Variants in KLF12 observed in about 807,000 individuals in gnomAD.
KLF12 encodes Krueppel-like factor 12.
In KLF12, 9 loss-of-function variants were observed where a neutral mutation model predicts 37.8. The observed-to-expected ratio is 0.24, with a 90% CI of 0.14 to 0.42. The LOEUF is 0.42. Among genes scored for constraint, KLF12 ranks in the 10% least tolerant of loss-of-function variants. The probability of loss-of-function intolerance (pLI) is 1.00; values close to 1 mark genes in which losing one functional copy is unlikely to be tolerated. For synonymous variants in KLF12, 208 were observed against 202.1 expected (o/e 1.03, Z -0.25); for missense variants, 411 against 516.0 (o/e 0.80, Z 1.97).
the KLF12 span, among the ~76,000 whole-genome samples, chr13:74,241,737 C>T: frequency 6.6e-6 from 1 of 152,190 alleles, no homozygotes; most frequent in South Asian, 2.1e-4. Context: ...TCACCCCTTT[C>T]TTTGACTCAG....
chr13:74,266,159 G>A, the KLF12 span, among the ~76,000 whole-genome samples: 37 of 152,252 alleles, frequency 2.4e-4, 1 homozygote, highest in Non-Finnish European at 3.2e-4. Flanking sequence ...TTGATCCAGC[G>A]GATCCAATGA....
chr13:74,234,668 C>A, the KLF12 span, among the ~76,000 whole-genome samples: 1 of 151,966 alleles, frequency 6.6e-6, no homozygotes, highest in Non-Finnish European at 1.5e-5. Context: ...ATTCGTTTGG[C>A]TATACATACA....
At chr13:73,966,396 TA>T (rs1449919372) in intron 2 of KLF12, among the ~76,000 whole-genome samples, 1 of 151,862 alleles carries the variant, frequency 6.6e-6, no homozygotes, top group East Asian at 1.9e-4. Flanking sequence ...GAAAAAAAAG[TA>T]AAAGTTTAGA....
At chr13:74,181,714 A>C in the KLF12 span, among the ~76,000 whole-genome samples, 2,144 of 95,672 alleles carry the variant, frequency 0.022, 48 homozygotes, top group African/African-American at 0.16. Flanking sequence ...AAAAAAAACA[A>C]AAAAAAAAAA....
At chr13:74,203,174 C>A in the KLF12 span, among the ~76,000 whole-genome samples, 1 of 151,972 alleles carries the variant, frequency 6.6e-6, no homozygotes, top group Non-Finnish European at 1.5e-5. Flanking sequence ...ATGTGTGGGG[C>A]ATCTAAGAGA....
At chr13:73,775,868 C>T (rs1192154799) in intron 5 of KLF12, among the ~76,000 whole-genome samples, 2 of 152,296 alleles carry the variant, frequency 1.3e-5, no homozygotes, top group African/African-American at 2.4e-5. Context: ...ATTCTGTCAC[C>T]TCAAATTGGA....
chr13:74,227,175 C>T, the KLF12 span, among the ~76,000 whole-genome samples: 3 of 152,234 alleles, frequency 2.0e-5, no homozygotes, highest in African/African-American at 2.4e-5. Flanking sequence ...TCGCCTGTGA[C>T]AGTGCTTTTG....
intron 2 of KLF12, among the ~76,000 whole-genome samples, chr13:73,990,499 A>C (rs977472091): frequency 6.6e-6 from 1 of 152,204 alleles, no homozygotes; most frequent in African/African-American, 2.4e-5. Context: ...GGAAGTAATA[A>C]TACTACATAG....
At chr13:74,080,462 T>C (rs1489408045) in intron 1 of KLF12, among the ~76,000 whole-genome samples, 2 of 151,550 alleles carry the variant, frequency 1.3e-5, no homozygotes, top group Admixed American at 6.6e-5. Context: ...TGCACAACAC[T>C]GTGAATATAT....
intron 1 of KLF12, among the ~76,000 whole-genome samples, chr13:74,063,045 C>A (rs1280858119): frequency 1.3e-5 from 2 of 152,160 alleles, no homozygotes; most frequent in Non-Finnish European, 2.9e-5. Context: ...AAATTTTTTG[C>A]TTCGGAAAAA....
intron 7 of KLF12, among the ~76,000 whole-genome samples, chr13:73,708,657 T>G (rs1036961905): frequency 6.6e-6 from 1 of 152,178 alleles, no homozygotes; most frequent in Admixed American, 6.5e-5. Context: ...AGAGCATTTA[T>G]TTTTTAGAAA....
chr13:73,944,852 G>A (rs1485992113), intron 2 of KLF12, among the ~76,000 whole-genome samples: 1 of 152,158 alleles, frequency 6.6e-6, no homozygotes, highest in Non-Finnish European at 1.5e-5. Flanking sequence ...AGCAACCCAG[G>A]AAGGGAGTCA....
At chr13:74,148,493 C>G in the KLF12 span, among the ~76,000 whole-genome samples, 6 of 144,430 alleles carry the variant, frequency 4.2e-5, no homozygotes, top group African/African-American at 1.0e-4. Context: ...ACTCCCCCCC[C>G]ACCCCACCCC....
chr13:74,153,121 A>G, the KLF12 span, among the ~76,000 whole-genome samples: 1 of 141,382 alleles, frequency 7.1e-6, no homozygotes, highest in South Asian at 2.2e-4. Context: ...GGTGTTAAAG[A>G]CAAAATGCTT....
At chr13:74,296,139 C>CTT in the KLF12 span, among the ~76,000 whole-genome samples, 1 of 145,520 alleles carries the variant, frequency 6.9e-6, no homozygotes, top group Non-Finnish European at 1.5e-5. Context: ...TTTTGTAGCA[C>CTT]TTTTTTTTTT....
chr13:73,838,664 G>A (rs1176478985), intron 4 of KLF12, among the ~76,000 whole-genome samples: 3 of 136,726 alleles, frequency 2.2e-5, no homozygotes, highest in Non-Finnish European at 4.8e-5. Context: ...AATGCTGATA[G>A]ACTCTGCGCT....
At chr13:73,884,211 G>GT (rs1307465120) in intron 3 of KLF12, among the ~76,000 whole-genome samples, 1 of 152,144 alleles carries the variant, frequency 6.6e-6, no homozygotes, top group Non-Finnish European at 1.5e-5. Context: ...TGAATGTGTT[G>GT]TTTGTCTAAA....
intron 6 of KLF12, among the ~76,000 whole-genome samples, chr13:73,751,468 G>A (rs536548096): frequency 6.6e-6 from 1 of 152,260 alleles, no homozygotes; most frequent in East Asian, 1.9e-4. Context: ...CCTGTTCGGA[G>A]CTTAGGGTAA....
the KLF12 span, among the ~76,000 whole-genome samples, chr13:74,159,839 C>T: frequency 1.1e-4 from 17 of 151,928 alleles, no homozygotes; most frequent in African/African-American, 3.9e-4. Context: ...GGCAACATGG[C>T]GAAACCCTGT....
Sources: allele counts gnomAD v4.1 joint callset (sites outside exome capture counted in the v4.1 genomes callset), GRCh38; gene constraint gnomAD v4.1.1; transcripts MANE v1.5; gene names NCBI Gene and HGNC (gene_info 2026-07-23, HGNC 2026-07-21).